Variants in CHRM3 observed in about 807,000 individuals in gnomAD.
CHRM3 encodes the protein cholinergic receptor muscarinic 3.
CHRM3 carries 11 observed loss-of-function variants against 41.8 expected under a neutral mutation model. The ratio of observed to expected loss-of-function variants is 0.26; its 90% confidence interval spans 0.17 to 0.44. The LOEUF is 0.44. CHRM3 is among the 20% of genes least tolerant of loss of function. The pLI, the probability that CHRM3 is intolerant of heterozygous loss-of-function variation, is 1.00. For missense variants in CHRM3, 571 were observed against 745.4 expected (o/e 0.77, Z 2.72); for synonymous variants, 297 against 301.4 (o/e 0.99, Z 0.15).
intron 1 of CHRM3, among the ~76,000 whole-genome samples, chr1:239,453,751 C>T (rs1292265145): frequency 6.6e-6 from 1 of 152,134 alleles, no homozygotes; most frequent in Non-Finnish European, 1.5e-5. Flanking sequence ...TGTTGAGCAG[C>T]AGATCCCAAG....
chr1:239,741,217 T>C (rs1444411862), intron 5 of CHRM3, among the ~76,000 whole-genome samples: 1 of 152,208 alleles, frequency 6.6e-6, no homozygotes, highest in Non-Finnish European at 1.5e-5. Flanking sequence ...TTTTATGTTT[T>C]GATCTGGTGA....
intron 5 of CHRM3, among the ~76,000 whole-genome samples, chr1:239,682,139 G>T (rs1311440622): frequency 6.6e-6 from 1 of 152,146 alleles, no homozygotes; most frequent in African/African-American, 2.4e-5. Flanking sequence ...TACACACACT[G>T]AGCATCTCTA....
rs182562731 is a variant in CHRM3, at chr1:239,547,997, G to C, written c.-313+2248G>C. 6.1e-3 allele frequency among the ~76,000 whole-genome samples: 927 copies of C among 151,852 alleles called. 3 individuals carry two copies. Among genetic ancestry groups the C allele is most frequent in the Non-Finnish European group, 8.5e-3 (574 of 67,848 alleles). ...ACTTTTTTTTTTCAGGAGAGAAAGAGAGCAAAAAAGAAAGGAGGTATAAAT... is the reference window on the plus strand; with the variant it reads ...ACTTTTTTTTTTCAGGAGAGAAAGACAGCAAAAAAGAAAGGAGGTATAAAT... On this transcript the variant is annotated intron_variant, in intron 3 of 6. Transcript: ENST00000676153.
At chr1:239,856,227 T>C (rs1675104046) in intron 6 of CHRM3, among the ~76,000 whole-genome samples, 1 of 152,084 alleles carries the variant, frequency 6.6e-6, no homozygotes. Flanking sequence ...CTGTGTAGTA[T>C]AGAAGGTGAT....
chr1:239,879,159 C>G (rs1383832991), intron 6 of CHRM3, among the ~76,000 whole-genome samples: 1 of 152,086 alleles, frequency 6.6e-6, no homozygotes, highest in East Asian at 1.9e-4. Context: ...AAGACAGGGT[C>G]TCACTGTGTT....
chr1:239,892,005 A>G (rs913343077), intron 6 of CHRM3, among the ~76,000 whole-genome samples: 8 of 152,234 alleles, frequency 5.3e-5, no homozygotes, highest in African/African-American at 1.9e-4. Context: ...CCTTTGACCA[A>G]GAGATGGTCT....
chr1:239,719,490 A>G (rs900543331), intron 5 of CHRM3: 4 of 151,980 alleles, frequency 2.6e-5, no homozygotes, highest in African/African-American at 9.7e-5. Context: ...TTAGACTCAA[A>G]GTAAGCTGAT....
At chr1:239,532,440 A>G (rs903693190) in intron 2 of CHRM3, among the ~76,000 whole-genome samples, 1 of 150,960 alleles carries the variant, frequency 6.6e-6, no homozygotes, top group African/African-American at 2.4e-5. Flanking sequence ...ATCCTGGCCA[A>G]CGTGGTGAAA....
At chr1:239,728,685 A>G (rs1235012624) in intron 5 of CHRM3, among the ~76,000 whole-genome samples, 1 of 151,996 alleles carries the variant, frequency 6.6e-6, no homozygotes, top group Non-Finnish European at 1.5e-5. Flanking sequence ...TTAAACCAGA[A>G]TGGAATTTTT....
In CHRM3 at chr1:239,853,065, G is replaced by A. The variant is rs942349286; in HGVS notation, c.-20+25687G>A. Among the ~76,000 whole-genome samples the A allele has an allele frequency of 4.0e-5, 6 of 151,552 alleles. No homozygotes were observed. The South Asian group carries it at 6.2e-4, about 16-fold the overall frequency. On this transcript the variant is annotated intron_variant, in intron 6 of 6. Transcript: ENST00000676153. ...CTTTCTATTCCTTAAGGTTTTCATCGTTGTTCTTTTTCAACTTTTTAAATT... is the reference window on the plus strand; with the variant it reads ...CTTTCTATTCCTTAAGGTTTTCATCATTGTTCTTTTTCAACTTTTTAAATT...
At chr1:239,652,672 C>T (rs548255043) in intron 4 of CHRM3, among the ~76,000 whole-genome samples, 39 of 151,802 alleles carry the variant, frequency 2.6e-4, no homozygotes, top group Admixed American at 2.1e-3. Flanking sequence ...CAGGCACGGA[C>T]TTGCAAATAG....
chr1:239,681,551 G>A (rs374290939), intron 5 of CHRM3, among the ~76,000 whole-genome samples: 51 of 152,238 alleles, frequency 3.4e-4, no homozygotes, highest in Non-Finnish European at 4.3e-4. Flanking sequence ...GTTTAAAAAC[G>A]TAGCTAAAAA....
intron 1 of CHRM3, among the ~76,000 whole-genome samples, chr1:239,407,423 G>T (rs201460429): frequency 0.16 from 18,279 of 111,420 alleles, 1,403 homozygotes; most frequent in African/African-American, 0.22. Flanking sequence ...TATATAGAGA[G>T]AGAGAGAGAG....
chr1:239,537,202 G>A (rs927829988), intron 2 of CHRM3, among the ~76,000 whole-genome samples: 1 of 152,070 alleles, frequency 6.6e-6, no homozygotes, highest in Admixed American at 6.5e-5. Context: ...ATGGTACATC[G>A]TCCTGTGTTA....
intron 1 of CHRM3, among the ~76,000 whole-genome samples, chr1:239,484,683 A>C (rs563528629): frequency 1.3e-5 from 2 of 152,224 alleles, no homozygotes; most frequent in Non-Finnish European, 2.9e-5. Flanking sequence ...TGGGCAACAG[A>C]GCAAATCTTG....
chr1:239,418,748 G>C (rs572648589), intron 1 of CHRM3, among the ~76,000 whole-genome samples: 8 of 152,120 alleles, frequency 5.3e-5, no homozygotes, highest in African/African-American at 1.9e-4. Context: ...AATTTCTGTT[G>C]CTATTGATAT....
chr1:239,449,733 G>GGTGTGTGTGT lies in CHRM3; in HGVS notation c.-520-42964_-520-42955dup. On this transcript the variant is annotated intron_variant, in intron 1 of 6. Transcript: ENST00000676153. ...TATTTAGGATGAATTGTCACATTCT[G>GGTGTGTGTGT]GTGTGTGTGTGTGTGTGTGTGCGTG... Among the ~76,000 whole-genome samples the GGTGTGTGTGT allele has an allele frequency of 1.4e-5, 2 of 143,736 alleles. 1 individual carries two copies. The highest frequency in any genetic ancestry group is 7.4e-3 in the Middle Eastern group (2 of 272). The allele number at this position is 143,736 out of a possible 152,430, so 94.3% of individuals were successfully genotyped here. A position where few individuals can be genotyped will look rare whatever the true frequency, so the allele number is the denominator to read the frequency against.
intron 5 of CHRM3, among the ~76,000 whole-genome samples, chr1:239,800,841 G>C (rs981036095): frequency 2.6e-5 from 4 of 152,102 alleles, no homozygotes; most frequent in Admixed American, 2.6e-4. Flanking sequence ...GAATACATTT[G>C]ATTAAAAAAT....
chr1:239,667,469 C>T (rs1407441115), intron 4 of CHRM3, among the ~76,000 whole-genome samples: 3 of 152,152 alleles, frequency 2.0e-5, no homozygotes, highest in African/African-American at 4.8e-5. Flanking sequence ...CCCCTACATC[C>T]TATCAGGACG....
Sources: allele counts gnomAD v4.1 joint callset (sites outside exome capture counted in the v4.1 genomes callset), GRCh38; gene constraint gnomAD v4.1.1; transcripts MANE v1.5; gene names NCBI Gene and HGNC (gene_info 2026-07-23, HGNC 2026-07-21).